Variants in UBN1 observed in about 807,000 individuals in gnomAD.
UBN1 encodes the protein ubinuclein-1.
In UBN1, 17 loss-of-function variants were observed where a neutral mutation model predicts 108.5. That is an observed-to-expected ratio of 0.16 (90% CI 0.11 to 0.24). The LOEUF (loss-of-function observed/expected upper bound fraction) is 0.24. UBN1 is among the 10% of genes least tolerant of loss of function. The pLI, the probability that UBN1 is intolerant of heterozygous loss-of-function variation, is 1.00. For synonymous variants in UBN1, 726 were observed against 564.2 expected, an observed-to-expected ratio of 1.29 and a Z score of -4.07; for missense variants, 1,595 against 1,394.4, an observed-to-expected ratio of 1.14 and a Z score of -2.29.
chr16:4,865,682 C>T (rs184295545), intron 7 of UBN1, among the ~76,000 whole-genome samples: 2 of 116,920 alleles, frequency 1.7e-5, no homozygotes, highest in Middle Eastern at 4.2e-3. Flanking sequence ...AAATAAGATG[C>T]TGGGCATGGT....
At chr16:4,863,511 G>C (rs2142190553) in intron 7 of UBN1, among the ~76,000 whole-genome samples, 1 of 152,240 alleles carries the variant, frequency 6.6e-6, no homozygotes, top group East Asian at 1.9e-4. Flanking sequence ...CCTAGATCTT[G>C]AAATGGACAT....
Position 4,877,412 on chromosome 16 carries a change from C to G in UBN1, c.3293C>G (p.Pro1098Arg). 1 of 1,612,558 alleles carries G rather than the reference C, an allele frequency of 6.2e-7. No homozygotes were observed. The highest frequency in any genetic ancestry group is 8.5e-7 in the Non-Finnish European group (1 of 1,179,508). ...CTTCTGGCTGGCTTGCACTCCAGCC[C>G]GCCCCATGCAGCGCCTCTCCCACAC... ...HSLLAGLHSS[P>R]PHAAPLPHAA... Residue 1098 changes from proline to arginine, a missense_variant, in exon 17 of 18, where the codon CCG becomes CGG. By Grantham distance (103) the Pro-to-Arg change is moderately radical. This residue lies in a region of UBN1 where 1,398 missense variants were observed against 1,194.7 expected (regional missense o/e 1.17). Coordinates refer to ENST00000262376, the MANE Select transcript of UBN1 (RefSeq NM_001079514.3). This position sits in a 1 kb window ranked among gnomAD's most constrained non-coding sequence, Gnocchi z 4.3.
At chr16:4,866,558 G>A (rs982581103) in intron 7 of UBN1, among the ~76,000 whole-genome samples, 1 of 152,230 alleles carries the variant, frequency 6.6e-6, no homozygotes, top group Non-Finnish European at 1.5e-5. Context: ...TGTCACCCAG[G>A]CTGGAGTGCA....
At position 4,876,795 on chromosome 16, in the gene UBN1, T is replaced by C. The variant is rs567193847; in HGVS notation, c.3025-76T>C. The C allele has an allele frequency of 5.4e-5, 82 of 1,519,162 alleles. No individual in the cohort carries two copies. The African/African-American group carries it at 1.0e-3, about 19-fold the overall frequency. 94.1% of individuals were successfully genotyped at this position (1,519,162 alleles called of 1,614,324 possible). ...TTTGTGGACACACAAGGAGGATCCT[T>C]TGTGTTGCCAGGTTTGGTGTGAGTG... On this transcript the variant is annotated intron_variant, in intron 15 of 17. Transcript: ENST00000262376.
rs757756338 is a variant in UBN1 at position 4,874,910 on chromosome 16, C to G, written c.2500C>G (p.Pro834Ala). The G allele has an allele frequency of 6.2e-7, 1 of 1,614,170 alleles. No individual in the cohort carries two copies. Among genetic ancestry groups the G allele is most frequent in the Non-Finnish European group, 8.5e-7 (1 of 1,180,048 alleles). The change falls in exon 15 of 18, where the codon CCC (proline) becomes GCC (alanine). Residue 834 changes from proline (P) to alanine (A), a missense_variant. Physicochemically the swap from Pro to Ala is conservative, Grantham distance 27 (BLOSUM62 -1). Coordinates refer to ENST00000262376, the MANE Select transcript of UBN1 (RefSeq NM_001079514.3). ...ANKLQGPKAS[P>A]TQCHRSLLQL... is the part of the protein sequence containing the mutation. ...TAAGCTCCAAGGCCCAAAGGCTTCTCCCACACAGTGTCATCGTTCCCTCCT... is the reference window on the plus strand; with the variant it reads ...TAAGCTCCAAGGCCCAAAGGCTTCTGCCACACAGTGTCATCGTTCCCTCCT...
chr16:4,871,311 G>A lies in UBN1; in HGVS notation c.1706+10G>A, dbSNP rs373856774. ...GCTGGATGCAGGCCAGGTGAGGGCC[G>A]TGTGCTGAGATGGGCATCTGTGCAG... On this transcript the variant is annotated intron_variant, in intron 12 of 17. Coordinates refer to ENST00000262376, the MANE Select transcript of UBN1 (RefSeq NM_001079514.3). The A allele has an allele frequency of 1.4e-5, 22 of 1,612,446 alleles. No homozygotes were observed. Among genetic ancestry groups the A allele is most frequent in the Middle Eastern group, 1.7e-4 (1 of 5,968 alleles).
At chr16:4,866,248 C>G (rs1019374051) in intron 7 of UBN1, among the ~76,000 whole-genome samples, 1 of 152,142 alleles carries the variant, frequency 6.6e-6, no homozygotes, top group African/African-American at 2.4e-5. Flanking sequence ...GGTGAAAAGT[C>G]ATGCCCTTTT....
rs564463546 is a variant in UBN1 at position 4,880,249 on chromosome 16, G to C, written c.*117G>C. 1.6e-6 allele frequency: 2 copies of C among 1,239,328 alleles called. No individual in the cohort carries two copies. Among genetic ancestry groups the C allele is most frequent in the South Asian group, 2.4e-5 (2 of 82,328 alleles). The allele number at this position is 1,239,328 out of a possible 1,614,324, so 76.8% of individuals were successfully genotyped here. ...GCTTGGTGTTCTTCTGGAGGAGCGT[G>C]AGTTCTCAGCGGAGCGCTTCTCGGC... is the stretch of plus-strand genomic sequence containing the variant. On this transcript the variant is annotated 3_prime_UTR_variant, in exon 18 of 18. Coordinates refer to ENST00000262376, the MANE Select transcript of UBN1 (RefSeq NM_001079514.3).
chr16:4,863,142 T>A (rs540375504), intron 7 of UBN1, among the ~76,000 whole-genome samples: 29 of 152,354 alleles, frequency 1.9e-4, no homozygotes, highest in Non-Finnish European at 4.1e-4. Flanking sequence ...AGCCTCTGTG[T>A]ATATGTTTTT....
intron 12 of UBN1, chr16:4,872,262 C>A: frequency 1.0e-6 from 1 of 985,298 alleles, no homozygotes; most frequent in South Asian, 4.7e-5. Flanking sequence ...ACATTTTATT[C>A]CTGGAATGGA....
Position 4,860,586 on chromosome 16 carries a change from G to C in UBN1, c.672-78G>C, listed in dbSNP as rs987114249. The C allele has an allele frequency of 4.3e-6, 6 of 1,409,168 alleles. No homozygotes were observed. The African/African-American group carries it at 7.2e-5, about 17-fold the overall frequency. 87.3% of individuals were successfully genotyped at this position (1,409,168 alleles called of 1,614,324 possible). On this transcript the variant is annotated intron_variant, in intron 6 of 17. Transcript: ENST00000262376. ...GTTCTCCTGGAGACCATGACCCTGG[G>C]AGCAGGGGTGAAGGCCTCTGGAGTT...
Position 4,872,982 on chromosome 16 carries a change from TCTC to T in UBN1, c.1758-45_1758-43del, listed in dbSNP as rs746172428. The T allele has an allele frequency of 5.6e-6, 9 of 1,614,068 alleles. No homozygotes were observed. In the Admixed American group the frequency reaches 1.2e-4, roughly 21 times the overall value. On this transcript the variant is annotated intron_variant, in intron 13 of 17. Transcript: ENST00000262376. ...ATCTCGGGACAAGTGTTGTTTTTGG[TCTC>T]CTCTGGATATTCTCTAAACTTTTCT...
intron 7 of UBN1, among the ~76,000 whole-genome samples, chr16:4,864,505 G>A (rs2087226658): frequency 6.6e-6 from 1 of 152,108 alleles, no homozygotes; most frequent in Non-Finnish European, 1.5e-5. Flanking sequence ...GATTTGTATT[G>A]TACATTTGTA....
chr16:4,859,779 C>G, intron 5 of UBN1, 86 bp from the exon 6 acceptor site: 1 of 1,574,888 alleles, frequency 6.3e-7, no homozygotes, highest in East Asian at 2.3e-5. Flanking sequence ...AGGATGTGCC[C>G]CGGGCGGAGC....
At position 4,881,106 on chromosome 16, in the gene UBN1, G is replaced by C. The variant is rs1230297201; in HGVS notation, c.*974G>C. On this transcript the variant is annotated 3_prime_UTR_variant, in exon 18 of 18. Transcript: ENST00000262376. ...CTCCCATTTTGTTTTTCCAGAGTTCGTGGAGGTGGACTGCAGAGCCCAGAG... is the reference window on the plus strand; with the variant it reads ...CTCCCATTTTGTTTTTCCAGAGTTCCTGGAGGTGGACTGCAGAGCCCAGAG... The C allele has an allele frequency of 6.6e-6, 1 of 152,596 alleles. No individual in the cohort carries two copies. The highest frequency in any genetic ancestry group is 1.5e-5 in the Non-Finnish European group (1 of 68,048). The allele number at this position is 152,596 out of a possible 1,614,324, so 9.5% of individuals were successfully genotyped here.
intron 7 of UBN1, among the ~76,000 whole-genome samples, chr16:4,862,157 T>G (rs971236424): frequency 1.3e-5 from 2 of 152,236 alleles, no homozygotes; most frequent in African/African-American, 4.8e-5. Flanking sequence ...CTAGTGGCAG[T>G]CATAATCTAC....
chr16:4,856,136 G>A (rs1217913998), intron 2 of UBN1, among the ~76,000 whole-genome samples: 2 of 152,352 alleles, frequency 1.3e-5, no homozygotes, highest in East Asian at 3.9e-4. Context: ...AGGAGCAGGA[G>A]TTGGTTAATG....
intron 3 of UBN1, 35 bp downstream of exon 3, chr16:4,858,111 A>T: frequency 7.1e-7 from 1 of 1,416,206 alleles, no homozygotes; most frequent in Non-Finnish European, 1.0e-6. Flanking sequence ...AAACAACCTC[A>T]TTGGGTGGGA....
In UBN1 at chr16:4,860,794, C is replaced by G; in HGVS notation, c.802C>G (p.Pro268Ala). Residue 268 changes from proline to alanine, a missense_variant, in exon 7 of 18, where the codon CCT (proline) becomes GCT (alanine). Pro to Ala is a conservative substitution (Grantham distance 27). Coordinates refer to ENST00000262376, the MANE Select transcript of UBN1 (RefSeq NM_001079514.3). ...GAAAAAAAGGGAGGAGGAGCATAAG[C>G]CTGTTGCGGTCCCATCAGCGGAAGC... ...AQKKREEEHK[P>A]VAVPSAEAQG... 6.2e-7 allele frequency: 1 copy of G among 1,614,264 alleles called. No homozygotes were observed. Among genetic ancestry groups the G allele is most frequent in the Non-Finnish European group, 8.5e-7 (1 of 1,180,046 alleles).
Sources: allele counts gnomAD v4.1 joint callset (sites outside exome capture counted in the v4.1 genomes callset), GRCh38; gene constraint gnomAD v4.1.1; regional missense constraint gnomAD v4.1.1; non-coding constraint Gnocchi (gnomAD v3.1); transcripts MANE v1.5; gene names NCBI Gene and HGNC (gene_info 2026-07-23, HGNC 2026-07-21).